Variants in UNC13C observed in about 807,000 individuals in gnomAD.
The protein encoded by UNC13C is protein unc-13 homolog C.
In UNC13C, 174 loss-of-function variants were observed where a neutral mutation model predicts 245.4. That is an observed-to-expected ratio of 0.71 (90% CI 0.63 to 0.80). UNC13C has a LOEUF of 0.80. Among genes scored for constraint, UNC13C ranks in the 30% least tolerant of loss-of-function variants. The pLI, the probability that UNC13C is intolerant of heterozygous loss-of-function variation, is 0.00. For synonymous variants in UNC13C, 992 were observed against 895.1 expected (o/e 1.11, Z -1.93); for missense variants, 2,829 against 2,602.9 (o/e 1.09, Z -1.89).
intron 29 of UNC13C, 44 bp downstream of exon 29, chr15:54,555,556 A>G (rs751182870): frequency 7.5e-6 from 11 of 1,468,158 alleles, no homozygotes; most frequent in Non-Finnish European, 1.0e-5. Flanking sequence ...AGAGGCCCCC[A>G]TTTACCTCCA....
chr15:53,945,102 T>C, the UNC13C span, among the ~76,000 whole-genome samples: 1 of 152,192 alleles, frequency 6.6e-6, no homozygotes, highest in South Asian at 2.1e-4. Context: ...CATGTGTTAA[T>C]GGGGTTATTA....
chr15:53,953,688 T>TA, the UNC13C span, among the ~76,000 whole-genome samples: 17 of 152,228 alleles, frequency 1.1e-4, no homozygotes, highest in Non-Finnish European at 2.2e-4. Context: ...TGTTATTACA[T>TA]ATGCCAGCAC....
chr15:53,863,489 A>C, the UNC13C span, among the ~76,000 whole-genome samples: 1 of 152,326 alleles, frequency 6.6e-6, no homozygotes, highest in African/African-American at 2.4e-5. Flanking sequence ...GTTTATCATA[A>C]TGATATTGTT....
intron 2 of UNC13C, among the ~76,000 whole-genome samples, chr15:54,119,761 G>A (rs2030536147): frequency 6.6e-6 from 1 of 152,118 alleles, no homozygotes; most frequent in Non-Finnish European, 1.5e-5. Context: ...CTACTTCAGT[G>A]AATACACAAA....
chr15:54,074,263 C>T (rs112681352), intron 2 of UNC13C, among the ~76,000 whole-genome samples: 1 of 152,262 alleles, frequency 6.6e-6, no homozygotes, highest in South Asian at 2.1e-4. Context: ...CACTACCATG[C>T]TGTTTTGGTT....
chr15:53,914,877 A>G, the UNC13C span, among the ~76,000 whole-genome samples: 1 of 151,904 alleles, frequency 6.6e-6, no homozygotes, highest in Non-Finnish European at 1.5e-5. Flanking sequence ...CCCTCCCCCT[A>G]AATATGTGTG....
At chr15:54,359,964 T>C (rs996405300) in intron 17 of UNC13C, among the ~76,000 whole-genome samples, 2 of 152,104 alleles carry the variant, frequency 1.3e-5, no homozygotes, top group Non-Finnish European at 2.9e-5. Context: ...TGCTATAACT[T>C]CCCTCTTAAA....
intron 19 of UNC13C, among the ~76,000 whole-genome samples, chr15:54,440,220 C>T (rs541086446): frequency 2.1e-3 from 314 of 152,110 alleles, no homozygotes; most frequent in Non-Finnish European, 3.3e-3. Context: ...CCCCCTTCAC[C>T]CTCCATCATG....
At chr15:54,356,766 A>T (rs1382228415) in intron 17 of UNC13C, among the ~76,000 whole-genome samples, 1 of 152,218 alleles carries the variant, frequency 6.6e-6, no homozygotes. Context: ...GATACCCAAC[A>T]TTCAGACCGT....
intron 4 of UNC13C, among the ~76,000 whole-genome samples, chr15:54,197,489 G>A (rs2034393930): frequency 6.6e-6 from 1 of 151,652 alleles, no homozygotes; most frequent in Non-Finnish European, 1.5e-5. Context: ...AAATTAATAA[G>A]CACATTTAGA....
chr15:54,277,868 G>T (rs897072033), intron 10 of UNC13C, among the ~76,000 whole-genome samples: 1 of 152,088 alleles, frequency 6.6e-6, no homozygotes. Context: ...AAATGATACA[G>T]TTGGGGGAAA....
At chr15:54,219,429 A>AC (rs2035150228) in intron 4 of UNC13C, among the ~76,000 whole-genome samples, 1 of 152,176 alleles carries the variant, frequency 6.6e-6, no homozygotes, top group African/African-American at 2.4e-5. Flanking sequence ...CCTTTCTTAC[A>AC]CCTTCTACAA....
upstream of UNC13C, among the ~76,000 whole-genome samples, chr15:53,973,401 A>G (rs1021045393): frequency 4.6e-5 from 7 of 152,130 alleles, no homozygotes; most frequent in African/African-American, 1.7e-4. Context: ...AAGAGTATAA[A>G]TAGAAATTAC....
intron 19 of UNC13C, among the ~76,000 whole-genome samples, chr15:54,418,031 C>T (rs1014387136): frequency 1.3e-5 from 2 of 152,102 alleles, no homozygotes; most frequent in Non-Finnish European, 2.9e-5. Context: ...TCAAGCCATT[C>T]TGCTGCCTCA....
chr15:53,988,399 A>C (rs1354673794), intron 1 of UNC13C, among the ~76,000 whole-genome samples: 1 of 152,012 alleles, frequency 6.6e-6, no homozygotes, highest in Non-Finnish European at 1.5e-5. Flanking sequence ...TGGGACATAA[A>C]AAAATAACAA....
intron 26 of UNC13C, among the ~76,000 whole-genome samples, chr15:54,533,966 A>G (rs879574431): frequency 2.6e-5 from 4 of 152,238 alleles, no homozygotes; most frequent in Non-Finnish European, 5.9e-5. Context: ...GTTAGTTTAC[A>G]TAATCTCATT....
chr15:54,498,584 G>A (rs577177857), intron 20 of UNC13C, among the ~76,000 whole-genome samples: 18 of 152,046 alleles, frequency 1.2e-4, no homozygotes, highest in Non-Finnish European at 2.1e-4. Flanking sequence ...AGTAAGTGTG[G>A]TCTATTTAAA....
the UNC13C span, among the ~76,000 whole-genome samples, chr15:53,862,273 C>A: frequency 6.6e-6 from 1 of 152,092 alleles, no homozygotes; most frequent in African/African-American, 2.4e-5. Context: ...TTTATTTCTG[C>A]AACTGGTTAC....
chr15:53,907,086 G>C, the UNC13C span, among the ~76,000 whole-genome samples: 3 of 152,124 alleles, frequency 2.0e-5, no homozygotes, highest in Non-Finnish European at 4.4e-5. Flanking sequence ...AGAAGAGATT[G>C]TTTTTGTTTG....
Sources: allele counts gnomAD v4.1 joint callset (sites outside exome capture counted in the v4.1 genomes callset), GRCh38; gene constraint gnomAD v4.1.1; transcripts MANE v1.5; gene names NCBI Gene and HGNC (gene_info 2026-07-23, HGNC 2026-07-21).